DNAH7: variants seen among roughly 807,000 people sequenced by gnomAD.
DNAH7 encodes axonemal beta dynein heavy chain 7.
In DNAH7, 397 loss-of-function variants were observed where a neutral mutation model predicts 444.6. That is an observed-to-expected ratio of 0.89 (90% CI 0.82 to 0.97). The LOEUF is 0.97. Among genes scored for constraint, DNAH7 ranks in the 50% least tolerant of loss-of-function variants. The pLI is 0.00. For missense variants in DNAH7, 4,902 were observed against 4,800.8 expected, an observed-to-expected ratio of 1.02 and a Z score of -0.62; for synonymous variants, 1,636 against 1,624.4, an observed-to-expected ratio of 1.01 and a Z score of -0.17.
chr2:196,053,555 T>C (rs1156435831), intron 2 of DNAH7, among the ~76,000 whole-genome samples: 1 of 152,170 alleles, frequency 6.6e-6, no homozygotes, highest in African/African-American at 2.4e-5. Flanking sequence ...GAGTCAGCAG[T>C]GAGGCTAGTT....
chr2:195,805,236 CTT>C (rs945550708), intron 54 of DNAH7, among the ~76,000 whole-genome samples: 8 of 151,952 alleles, frequency 5.3e-5, no homozygotes, highest in African/African-American at 1.7e-4. Flanking sequence ...TTTAATTAAA[CTT>C]AATATAAAAC....
chr2:195,966,998 T>A (rs926461349), intron 17 of DNAH7, among the ~76,000 whole-genome samples: 1 of 152,164 alleles, frequency 6.6e-6, no homozygotes, highest in Non-Finnish European at 1.5e-5. Flanking sequence ...CATTTTGTTT[T>A]ATGTTTTCTG....
At chr2:195,844,219 CATCAT>C (rs1252863185) in intron 47 of DNAH7, among the ~76,000 whole-genome samples, 2 of 151,996 alleles carry the variant, frequency 1.3e-5, no homozygotes, top group Non-Finnish European at 2.9e-5. Flanking sequence ...TAAAAAGTAC[CATCAT>C]ATCAATTACT....
intron 5 of DNAH7, 126 bp downstream of exon 5, chr2:196,047,226 T>G (rs999812304): frequency 5.7e-6 from 4 of 700,610 alleles, no homozygotes; most frequent in South Asian, 8.8e-5. Context: ...TTATTTATAC[T>G]CTGACCTCAT....
Position 196,051,242 on chromosome 2 carries a change from A to G in DNAH7, c.86T>C (p.Leu29Ser). ...TGCCTTGAACTTTTCTTTGCTGGCT[A>G]ATTTCTCCTGTGTGAAAAATATGAA... Reference protein sequence around the residue: ...RFLPQLSMEKLASKEKFKAPA... With the variant: ...RFLPQLSMEKSASKEKFKAPA... Residue 29 changes from leucine (L) to serine (S), a missense_variant, in exon 3 of 65, where the codon TTA becomes TCA. Coordinates refer to ENST00000312428, the MANE Select transcript of DNAH7 (RefSeq NM_018897.3). The G allele has an allele frequency of 6.2e-7, 1 of 1,613,820 alleles. No homozygotes were observed. Among genetic ancestry groups the G allele is most frequent in the South Asian group, 1.1e-5 (1 of 91,070 alleles).
At position 195,875,788 on chromosome 2, in the gene DNAH7, G is replaced by T; in HGVS notation, c.6173C>A (p.Pro2058His). 1 of 1,613,720 alleles carries T rather than the reference G, an allele frequency of 6.2e-7. No homozygotes were observed. The highest frequency in any genetic ancestry group is 1.1e-5 in the South Asian group (1 of 90,954). Residue 2058 changes from proline to histidine, a missense_variant, in exon 38 of 65, where the codon CCT (proline) becomes CAT (histidine). By Grantham distance (77) the Pro-to-His change is moderately conservative. Coordinates refer to ENST00000312428, the MANE Select transcript of DNAH7 (RefSeq NM_018897.3). Reference sequence around the variant, plus strand: ...CCACTGTCTAAGTAACTCAATGGGAGGTTGAGCCCCATATACCTCCCGAGC... The same window carrying T: ...CCACTGTCTAAGTAACTCAATGGGATGTTGAGCCCCATATACCTCCCGAGC... Reference protein sequence around the residue: ...MPAREVYGAQPPIELLRQWLD... With the variant: ...MPAREVYGAQHPIELLRQWLD...
At chr2:195,820,168 T>C (rs1471976140) in intron 49 of DNAH7, among the ~76,000 whole-genome samples, 1 of 152,070 alleles carries the variant, frequency 6.6e-6, no homozygotes, top group Non-Finnish European at 1.5e-5. Context: ...TCGGCAATAT[T>C]AGAAATACTT....
intron 35 of DNAH7, among the ~76,000 whole-genome samples, chr2:195,882,297 G>A (rs1701433950): frequency 6.6e-6 from 1 of 152,146 alleles, no homozygotes; most frequent in Non-Finnish European, 1.5e-5. Context: ...TAATGGCATT[G>A]AGAAAATCAA....
intron 15 of DNAH7, 126 bp downstream of exon 15, chr2:195,984,506 C>T: frequency 1.1e-6 from 1 of 940,390 alleles, no homozygotes; most frequent in East Asian, 2.6e-5. Flanking sequence ...TGCCACCACA[C>T]CCAGCTAATT....
chr2:195,998,564 C>CAAAA (rs539748720), intron 12 of DNAH7, among the ~76,000 whole-genome samples: 1 of 96,972 alleles, frequency 1.0e-5, no homozygotes, highest in African/African-American at 3.5e-5. Context: ...GACTCCAACT[C>CAAAA]AAAAAAAAAA....
intron 15 of DNAH7, among the ~76,000 whole-genome samples, chr2:195,981,504 A>C (rs1156299397): frequency 3.3e-5 from 5 of 152,182 alleles, no homozygotes; most frequent in African/African-American, 1.2e-4. Context: ...CAGAATAGCC[A>C]AAGCTATCCG....
At chr2:195,780,896 T>C (rs1288863002) in intron 58 of DNAH7, among the ~76,000 whole-genome samples, 1 of 152,134 alleles carries the variant, frequency 6.6e-6, no homozygotes, top group Non-Finnish European at 1.5e-5. Context: ...TCTGACATTC[T>C]AGTGATCCCA....
chr2:195,970,338 G>C (rs1574914633), intron 16 of DNAH7, among the ~76,000 whole-genome samples: 1 of 152,114 alleles, frequency 6.6e-6, no homozygotes, highest in African/African-American at 2.4e-5. Context: ...TATGTAAGAA[G>C]TTCTAGCTAA....
chr2:195,829,898 C>T (rs1485947885), intron 48 of DNAH7, among the ~76,000 whole-genome samples: 1 of 151,662 alleles, frequency 6.6e-6, no homozygotes, highest in Non-Finnish European at 1.5e-5. Context: ...GAAATATATC[C>T]TTAGTACTGA....
chr2:196,054,023 T>C (rs1697649220), intron 2 of DNAH7, among the ~76,000 whole-genome samples: 1 of 152,244 alleles, frequency 6.6e-6, no homozygotes, highest in South Asian at 2.1e-4. Flanking sequence ...GCCTAATCTT[T>C]GTTGGGTTAA....
chr2:195,845,137 C>A lies in DNAH7; in HGVS notation c.8810G>T (p.Cys2937Phe). The change falls in exon 47 of 65, where the codon TGC (cysteine) becomes TTC (phenylalanine). Residue 2937 changes from cysteine to phenylalanine, a missense_variant. Cys to Phe is a radical substitution (Grantham distance 205). Coordinates refer to ENST00000312428, the MANE Select transcript of DNAH7 (RefSeq NM_018897.3). ...TGAGCAGGGGATATCTCTTCCTTTG[C>A]ACAAAGTTGTCCACTCTTTAGTTTG... ...QNQTKEWTTLCKGRDIPCSDD... is the reference protein window; with the variant it reads ...QNQTKEWTTLFKGRDIPCSDD... The A allele has an allele frequency of 6.2e-6, 10 of 1,612,554 alleles. No individual in the cohort carries two copies. Among genetic ancestry groups the A allele is most frequent in the Non-Finnish European group, 8.5e-6 (10 of 1,179,470 alleles).
rs180924885 is a variant in DNAH7, at chr2:195,993,735, T to G, written c.1354-5506A>C. The stretch of plus-strand genomic sequence containing the variant: ...TAAATATTTCTAAGAAGAACTGAAG[T>G]CCATTTCATACTTTTGCATGACTTC... On this transcript the variant is annotated intron_variant, in intron 12 of 64. Coordinates refer to ENST00000312428, the MANE Select transcript of DNAH7 (RefSeq NM_018897.3). 6.3e-4 allele frequency among the ~76,000 whole-genome samples: 96 copies of G among 152,344 alleles called. No individual in the cohort carries two copies. The Middle Eastern group carries it at 0.01, about 16-fold the overall frequency.
At chr2:195,782,014 CACAG>C (rs58945532) in intron 58 of DNAH7, among the ~76,000 whole-genome samples, 2,933 of 148,718 alleles carry the variant, frequency 0.02, 74 homozygotes, top group African/African-American at 0.064. Context: ...CACACACACA[CACAG>C]ACACACCCCT....
intron 54 of DNAH7, among the ~76,000 whole-genome samples, chr2:195,802,112 GA>G (rs982610458): frequency 6.6e-6 from 1 of 152,150 alleles, no homozygotes; most frequent in African/African-American, 2.4e-5. Context: ...AAAAATCACA[GA>G]ATAATTAATT....
Sources: allele counts gnomAD v4.1 joint callset (sites outside exome capture counted in the v4.1 genomes callset), GRCh38; gene constraint gnomAD v4.1.1; transcripts MANE v1.5; gene names NCBI Gene and HGNC (gene_info 2026-07-23, HGNC 2026-07-21).